The following PLD5 variants were observed in gnomAD, a reference collection of about 807,000 sequenced individuals.
PLD5 encodes phospholipase D family member 5, also known as inactive phospholipase D5.
In PLD5, 36 loss-of-function variants were observed where a neutral mutation model predicts 61.1. The ratio of observed to expected loss-of-function variants is 0.59; its 90% CI spans 0.45 to 0.78. PLD5 has a LOEUF of 0.78. Among genes scored for constraint, PLD5 ranks in the 30% least tolerant of loss-of-function variants. The pLI is 0.00. For missense variants in PLD5, 515 were observed against 644.4 expected (o/e 0.80, Z 2.17); for synonymous variants, 243 against 242.8 (o/e 1.00, Z -0.01).
At chr1:242,435,737 C>A (rs1309418023) in intron 1 of PLD5, among the ~76,000 whole-genome samples, 2 of 152,294 alleles carry the variant, frequency 1.3e-5, no homozygotes, top group East Asian at 3.9e-4. Flanking sequence ...TCCACTAATT[C>A]AGTGATCATA....
intron 1 of PLD5, among the ~76,000 whole-genome samples, chr1:242,485,440 A>G (rs1219527931): frequency 6.6e-6 from 1 of 152,168 alleles, no homozygotes; most frequent in Non-Finnish European, 1.5e-5. Flanking sequence ...AGAGACCCAA[A>G]TCATGAGTGA....
At chr1:242,408,633 C>A (rs1229126975) in intron 1 of PLD5, among the ~76,000 whole-genome samples, 1 of 152,170 alleles carries the variant, frequency 6.6e-6, no homozygotes, top group Admixed American at 6.5e-5. Context: ...CACCAGAAGC[C>A]AAGCAGACAT....
intron 5 of PLD5, among the ~76,000 whole-genome samples, chr1:242,194,903 A>T (rs950400115): frequency 6.6e-6 from 1 of 152,108 alleles, no homozygotes; most frequent in African/African-American, 2.4e-5. Context: ...GTAAGGGATA[A>T]GAGACTACAA....
intron 1 of PLD5, among the ~76,000 whole-genome samples, chr1:242,487,094 G>T (rs1003247955): frequency 1.4e-4 from 21 of 151,882 alleles, no homozygotes; most frequent in African/African-American, 5.1e-4. Context: ...ATAGCATTAG[G>T]AGATATACTT....
Position 242,512,869 on chromosome 1 carries a change from AT to A in PLD5, c.189+11218del, listed in dbSNP as rs869134912. ...GTTTCTTTCCACTGAATTCTTTTTT[AT>A]TTTTTCTTTTTTTTTTTTGGAGACA... is the stretch of plus-strand genomic sequence containing the variant. On this transcript the variant is annotated intron_variant, in intron 1 of 9. Transcript: ENST00000536534. 3.2e-4 allele frequency among the ~76,000 whole-genome samples: 20 copies of A among 62,766 alleles called. No individual in the cohort carries two copies. In the Admixed American group the frequency reaches 3.5e-3, roughly 11 times the overall value. 41.2% of individuals were successfully genotyped at this position (62,766 alleles called of 152,430 possible). A position where few individuals can be genotyped will look rare whatever the true frequency, so the allele number is the denominator to read the frequency against.
intron 2 of PLD5, among the ~76,000 whole-genome samples, chr1:242,324,459 C>G (rs76358018): frequency 6.6e-6 from 1 of 152,174 alleles, no homozygotes; most frequent in Admixed American, 6.5e-5. Context: ...ATGACCTAAC[C>G]GACTCTATCT....
chr1:242,435,580 T>C (rs752554286), intron 1 of PLD5, among the ~76,000 whole-genome samples: 2 of 152,130 alleles, frequency 1.3e-5, no homozygotes, highest in Non-Finnish European at 2.9e-5. Context: ...TCAGTGTTAA[T>C]GAATCAACAA....
intron 1 of PLD5, among the ~76,000 whole-genome samples, chr1:242,490,555 T>G (rs540116337): frequency 1.3e-5 from 2 of 152,348 alleles, no homozygotes; most frequent in East Asian, 3.9e-4. Flanking sequence ...CTTCACTGAA[T>G]GTCTAGGTTC....
At chr1:242,128,431 A>G (rs1282718946) in intron 5 of PLD5, among the ~76,000 whole-genome samples, 2 of 152,184 alleles carry the variant, frequency 1.3e-5, no homozygotes, top group Non-Finnish European at 2.9e-5. Flanking sequence ...ATGAAAGGCA[A>G]AGGCAGTGGC....
chr1:242,394,382 GTATATATGAGTATATATGTGTGTA>G (rs1663247806), intron 1 of PLD5, among the ~76,000 whole-genome samples: 2 of 89,410 alleles, frequency 2.2e-5, no homozygotes, highest in Admixed American at 1.3e-4. Flanking sequence ...ATATATGTGT[GTATATATGAGTATATATGTGTGTA>G]TATATGAGTA....
At chr1:242,281,395 G>A (rs1288276085) in intron 3 of PLD5, among the ~76,000 whole-genome samples, 1 of 152,074 alleles carries the variant, frequency 6.6e-6, no homozygotes, top group Non-Finnish European at 1.5e-5. Context: ...CATGAATGTT[G>A]CCAGGTCATA....
chr1:242,258,730 A>G (rs1673219919), intron 4 of PLD5, among the ~76,000 whole-genome samples: 1 of 152,294 alleles, frequency 6.6e-6, no homozygotes, highest in East Asian at 1.9e-4. Flanking sequence ...GGTAAGCTTC[A>G]AAAACAAGCT....
intron 5 of PLD5, among the ~76,000 whole-genome samples, chr1:242,134,584 G>A (rs1374662858): frequency 6.6e-6 from 1 of 152,132 alleles, no homozygotes; most frequent in Admixed American, 6.5e-5. Flanking sequence ...CTGAAGTAGA[G>A]AAACGCTGTA....
intron 4 of PLD5, among the ~76,000 whole-genome samples, chr1:242,227,820 G>A (rs1671049371): frequency 6.6e-6 from 1 of 152,122 alleles, no homozygotes; most frequent in African/African-American, 2.4e-5. Flanking sequence ...ACTCCTTTAT[G>A]ATCAACTTAA....
chr1:242,524,290 G>A lies in PLD5; in HGVS notation c.-14C>T. Reference sequence around the variant, plus strand: ...CCGGATCTCCATCCTGACATGACCGGGCGGCCGCCGGCGAGCAGCGGACTC... The same window carrying A: ...CCGGATCTCCATCCTGACATGACCGAGCGGCCGCCGGCGAGCAGCGGACTC... On this transcript the variant is annotated 5_prime_UTR_variant, in exon 1 of 10. Coordinates refer to ENST00000536534, the MANE Select transcript of PLD5 (RefSeq NM_001372062.1). The A allele has an allele frequency of 7.2e-7, 1 of 1,386,692 alleles. No homozygotes were observed. The allele number at this position is 1,386,692 out of a possible 1,614,324, so 85.9% of individuals were successfully genotyped here. A position where few individuals can be genotyped will look rare whatever the true frequency, so the allele number is the denominator to read the frequency against.
intron 5 of PLD5, among the ~76,000 whole-genome samples, chr1:242,180,901 T>C (rs1667475018): frequency 6.6e-6 from 1 of 152,144 alleles, no homozygotes; most frequent in Non-Finnish European, 1.5e-5. Context: ...GAGGGTCACC[T>C]GAGCCCAGGA....
At chr1:242,382,845 TTGA>T (rs1210302401) in intron 1 of PLD5, among the ~76,000 whole-genome samples, 2 of 152,222 alleles carry the variant, frequency 1.3e-5, no homozygotes, top group Non-Finnish European at 1.5e-5. Context: ...AAAATAAATA[TTGA>T]TGGTTATTAA....
rs117868619 is a variant in PLD5 at position 242,382,834 on chromosome 1, C to A, written c.190-34592G>T. On this transcript the variant is annotated intron_variant, in intron 1 of 9. Transcript: ENST00000536534. ...AGAGCTTTAATTATATATGTTTCATCAAAATAAATATTGATGGTTATTAAT... is the reference window on the plus strand; with the variant it reads ...AGAGCTTTAATTATATATGTTTCATAAAAATAAATATTGATGGTTATTAAT... Among the ~76,000 whole-genome samples, 39 of 152,230 alleles carry A rather than the reference C, an allele frequency of 2.6e-4. No homozygotes were observed. The East Asian group carries it at 7.1e-3, about 28-fold the overall frequency.
rs369097435 is a variant in PLD5 at position 242,257,926 on chromosome 1, G to A, written c.607+7411C>T. On this transcript the variant is annotated intron_variant, in intron 4 of 9. Transcript: ENST00000536534. ...TCATGCCTGTCACGTTTACCACTGC[G>A]TGTTTGCTATCCCTCTTCTTTTTAG... 3.0e-3 allele frequency among the ~76,000 whole-genome samples: 458 copies of A among 152,224 alleles called. 4 individuals are homozygous for A. Among genetic ancestry groups the A allele is most frequent in the African/African-American group, 9.3e-3 (387 of 41,520 alleles).
Sources: allele counts gnomAD v4.1 joint callset (sites outside exome capture counted in the v4.1 genomes callset), GRCh38; gene constraint gnomAD v4.1.1; transcripts MANE v1.5; gene names NCBI Gene and HGNC (gene_info 2026-07-23, HGNC 2026-07-21).